Variants in PCDHGB6 observed in about 807,000 individuals in gnomAD.
PCDHGB6 encodes the protein protocadherin gamma subfamily B, 6.
In PCDHGB6, 51 loss-of-function variants were observed where a neutral mutation model predicts 59.1. That is an observed-to-expected ratio of 0.86 (90% confidence interval 0.69 to 1.09). The LOEUF is 1.09. Among genes scored for constraint, PCDHGB6 ranks in the 50% least tolerant of loss-of-function variants. The pLI is 0.00. For missense variants in PCDHGB6, 1,148 were observed against 1,205.1 expected (o/e 0.95, Z 0.70); for synonymous variants, 466 against 495.1 (o/e 0.94, Z 0.78).
intron 1 of PCDHGB6, among the ~76,000 whole-genome samples, chr5:141,453,288 ATTAT>A (rs577328880): frequency 4.0e-5 from 6 of 151,342 alleles, no homozygotes; most frequent in Admixed American, 1.3e-4. Context: ...TAATTTTTTA[ATTAT>A]TTATTTATTT....
chr5:141,496,772 T>C (rs994207358), intron 2 of PCDHGB6, among the ~76,000 whole-genome samples: 9 of 152,008 alleles, frequency 5.9e-5, no homozygotes, highest in African/African-American at 1.2e-4. Flanking sequence ...GCATCTACTA[T>C]GAGCAGGGCC....
chr5:141,421,515 CTG>C, intron 1 of PCDHGB6: 1 of 1,614,080 alleles, frequency 6.2e-7, no homozygotes, highest in Non-Finnish European at 8.5e-7. Context: ...GGGAGGAGCT[CTG>C]TGAGACGGTG....
rs11343387 is a variant in PCDHGB6 at position 141,497,209 on chromosome 5, TGG to T, written c.2477+2352_2477+2353del. On this transcript the variant is annotated intron_variant, in intron 2 of 3. Transcript: ENST00000520790. ...GAGGCAGAGAACAATGTGAGTGTAATGGGGGGGGGAAGATCAGAGAAGGCTTC... is the reference window on the plus strand; with the variant it reads ...GAGGCAGAGAACAATGTGAGTGTAATGGGGGGGAAGATCAGAGAAGGCTTC... Among the ~76,000 whole-genome samples the T allele has an allele frequency of 3.8e-3, 569 of 151,352 alleles. 5 individuals are homozygous for T. Among genetic ancestry groups the T allele is most frequent in the Admixed American group, 0.011 (162 of 15,190 alleles).
rs1260366830 is a variant in PCDHGB6 at position 141,408,791 on chromosome 5, G to C, written c.589G>C (p.Glu197Gln). The C allele has an allele frequency of 6.2e-7, 1 of 1,612,540 alleles. No homozygotes were observed. The highest frequency in any genetic ancestry group is 2.2e-5 in the East Asian group (1 of 44,860). The change falls in exon 1 of 4, where the codon GAG becomes CAG. Residue 197 changes from glutamate (E) to glutamine (Q), a missense_variant. Physicochemically the swap from Glu to Gln is conservative, Grantham distance 29. Around this residue, in one of 5 missense-constraint regions of PCDHGB6, gnomAD observed 307 missense variants for 323.8 expected, o/e 0.95. Transcript: ENST00000520790. ...TGGCAAATACCCAGAGTTATCTCTG[G>C]AGAAACTCCTAGACCGGGAAGAACA... is the stretch of plus-strand genomic sequence containing the variant. ...DGGKYPELSL[E>Q]KLLDREEQRS...
intron 1 of PCDHGB6, among the ~76,000 whole-genome samples, chr5:141,448,521 GCATCCTGTCAGCATTTC>G (rs1378426350): frequency 1.3e-5 from 2 of 151,994 alleles, no homozygotes; most frequent in Non-Finnish European, 2.9e-5. Flanking sequence ...ACTTTATTAA[GCATCCTGTCAGCATTTC>G]TTATGCAAAT....
At chr5:141,415,288 T>C in intron 1 of PCDHGB6, 6 of 1,614,202 alleles carry the variant, frequency 3.7e-6, no homozygotes, top group Non-Finnish European at 5.1e-6. Flanking sequence ...GGCCGCGGTC[T>C]CCTGCGTCTT....
intron 1 of PCDHGB6, among the ~76,000 whole-genome samples, chr5:141,463,706 A>T (rs568865377): frequency 2.9e-3 from 440 of 152,024 alleles, no homozygotes; most frequent in Non-Finnish European, 4.6e-3. Context: ...TCGGCCTCCA[A>T]AAGTGCTGGG....
At chr5:141,449,000 T>G (rs1424736421) in intron 1 of PCDHGB6, among the ~76,000 whole-genome samples, 1 of 151,774 alleles carries the variant, frequency 6.6e-6, no homozygotes, top group African/African-American at 2.4e-5. Context: ...TAGAAAGCTG[T>G]TTTTTTTAAC....
Position 141,487,421 on chromosome 5 carries a change from C to T in PCDHGB6, c.2419-7386C>T. ...GGGGCTTCCCCCTTCCAATGGGATC[C>T]TCCGAATCCAGCTAGGGTCAGATGA... On this transcript the variant is annotated intron_variant, in intron 1 of 3. Coordinates refer to ENST00000520790, the MANE Select transcript of PCDHGB6 (RefSeq NM_018926.3). This position sits in a 1 kb window ranked among gnomAD's most constrained non-coding sequence, Gnocchi z 5.0. The T allele has an allele frequency of 6.2e-7, 1 of 1,614,144 alleles. No homozygotes were observed. The highest frequency in any genetic ancestry group is 1.1e-5 in the South Asian group (1 of 91,082).
intron 1 of PCDHGB6, among the ~76,000 whole-genome samples, chr5:141,475,511 A>T (rs1240718716): frequency 6.6e-6 from 1 of 152,240 alleles, no homozygotes; most frequent in African/African-American, 2.4e-5. Context: ...TAATGTCTCC[A>T]CGGAAATGCT....
intron 1 of PCDHGB6, chr5:141,479,247 C>A (rs1428944159): frequency 6.6e-6 from 1 of 152,084 alleles, no homozygotes; most frequent in Non-Finnish European, 1.5e-5. Flanking sequence ...CAAAGATAAC[C>A]ATTTTTAATT....
rs770391604 is a variant in PCDHGB6, at chr5:141,431,437, G to A, written c.2418+20817G>A. On this transcript the variant is annotated intron_variant, in intron 1 of 3. Coordinates refer to ENST00000520790, the MANE Select transcript of PCDHGB6 (RefSeq NM_018926.3). The surrounding 1 kb of genome is among the most constrained non-coding windows in gnomAD (Gnocchi z 4.8). ...GCGACCCGGTGCGCACAGGCACCGC[G>A]CGCATCCGCGTGATGGTTCTGGATG... The A allele has an allele frequency of 7.4e-6, 12 of 1,613,710 alleles. No homozygotes were observed. In the East Asian group the frequency reaches 2.5e-4, roughly 33 times the overall value.
chr5:141,417,896 C>G, intron 1 of PCDHGB6: 1 of 1,576,868 alleles, frequency 6.3e-7, no homozygotes, highest in Non-Finnish European at 8.6e-7. Flanking sequence ...CCGGGCCGGC[C>G]CGCGGCAGGT....
In PCDHGB6 at chr5:141,432,897, C is replaced by A. The variant is rs780142081; in HGVS notation, c.2418+22277C>A. 1.2e-6 allele frequency: 2 copies of A among 1,614,178 alleles called. No individual in the cohort carries two copies. Among genetic ancestry groups the A allele is most frequent in the Non-Finnish European group, 1.7e-6 (2 of 1,180,010 alleles). On this transcript the variant is annotated intron_variant, in intron 1 of 3. Coordinates refer to ENST00000520790, the MANE Select transcript of PCDHGB6 (RefSeq NM_018926.3). The surrounding 1 kb of genome is among the most constrained non-coding windows in gnomAD (Gnocchi z 6.0). ...CTGGCCTTCGTCATCTTGCTGCTGGCGCTCAGGCTGCGGCGCTGGCACAAG... is the reference window on the plus strand; with the variant it reads ...CTGGCCTTCGTCATCTTGCTGCTGGAGCTCAGGCTGCGGCGCTGGCACAAG...
chr5:141,481,762 G>A (rs1378950651), intron 1 of PCDHGB6, among the ~76,000 whole-genome samples: 3 of 152,126 alleles, frequency 2.0e-5, no homozygotes, highest in African/African-American at 2.4e-5. Flanking sequence ...GACCAGCCTG[G>A]CCAACATGGT....
Position 141,491,402 on chromosome 5 carries a change from C to T in PCDHGB6, c.2419-3405C>T. 1 of 1,614,156 alleles carries T rather than the reference C, an allele frequency of 6.2e-7. No individual in the cohort carries two copies. Among genetic ancestry groups the T allele is most frequent in the Non-Finnish European group, 8.5e-7 (1 of 1,180,022 alleles). ...TCAGCGAAGTGCCTTCAGGGAAACG[C>T]AGACGGGGACGGGGGTGGAGGGCAG... On this transcript the variant is annotated intron_variant, in intron 1 of 3. Transcript: ENST00000520790. The surrounding 1 kb of genome is among the most constrained non-coding windows in gnomAD (Gnocchi z 6.9).
At chr5:141,506,444 CAAAAAAAA>C (rs1219684339) in intron 3 of PCDHGB6, among the ~76,000 whole-genome samples, 24 of 95,024 alleles carry the variant, frequency 2.5e-4, no homozygotes, top group African/African-American at 9.5e-4. Flanking sequence ...CGCTCTGTCT[CAAAAAAAA>C]AAAAAAAAAA....
chr5:141,457,877 C>A (rs1488774514), intron 1 of PCDHGB6, among the ~76,000 whole-genome samples: 1 of 152,196 alleles, frequency 6.6e-6, no homozygotes, highest in Admixed American at 6.6e-5. Context: ...AGGTTAGGAA[C>A]CCTGTGTGGG....
chr5:141,472,505 A>G (rs1041224118), intron 1 of PCDHGB6, among the ~76,000 whole-genome samples: 4 of 152,004 alleles, frequency 2.6e-5, no homozygotes, highest in African/African-American at 7.3e-5. Context: ...GTGCCACTGC[A>G]CTCCAGCCTG....
Sources: allele counts gnomAD v4.1 joint callset (sites outside exome capture counted in the v4.1 genomes callset), GRCh38; gene constraint gnomAD v4.1.1; regional missense constraint gnomAD v4.1.1; non-coding constraint Gnocchi (gnomAD v3.1); transcripts MANE v1.5; gene names NCBI Gene and HGNC (gene_info 2026-07-23, HGNC 2026-07-21).